Variants in XIRP2 observed in about 807,000 individuals in gnomAD.
XIRP2 encodes xin actin binding repeat containing 2, also known as xin actin-binding repeat-containing protein 2.
A neutral mutation model predicts 277.0 loss-of-function variants in XIRP2; 236 were observed. That is an observed-to-expected ratio of 0.85 (90% CI 0.77 to 0.95). XIRP2 has a LOEUF of 0.95. Ranked by LOEUF, XIRP2 falls within the 40% of genes least tolerant of loss-of-function variation. The probability of loss-of-function intolerance (pLI) is 0.00; values close to 1 mark genes in which losing one functional copy is unlikely to be tolerated. For missense variants in XIRP2, 4,640 were observed against 4,157.5 expected, an observed-to-expected ratio of 1.12 and a Z score of -3.19; for synonymous variants, 1,490 against 1,416.5, an observed-to-expected ratio of 1.05 and a Z score of -1.17.
At chr2:167,082,986 G>A (rs1689787521) in intron 2 of XIRP2, among the ~76,000 whole-genome samples, 1 of 152,170 alleles carries the variant, frequency 6.6e-6, no homozygotes, top group Non-Finnish European at 1.5e-5. Flanking sequence ...TGTTGCCATT[G>A]CTTTTGGTGT....
intron 2 of XIRP2, among the ~76,000 whole-genome samples, chr2:167,055,552 T>A (rs960545885): frequency 1.3e-5 from 2 of 152,190 alleles, no homozygotes; most frequent in Admixed American, 6.5e-5. Flanking sequence ...TTATCAGATG[T>A]GTAGGCCATT....
chr2:166,999,037 G>A (rs1369474918), intron 2 of XIRP2, among the ~76,000 whole-genome samples: 1 of 151,888 alleles, frequency 6.6e-6, no homozygotes, highest in Non-Finnish European at 1.5e-5. Flanking sequence ...ATTGTCTTTT[G>A]GCTTTTAGTG....
intron 2 of XIRP2, among the ~76,000 whole-genome samples, chr2:167,096,857 G>T (rs186330806): frequency 8.5e-5 from 13 of 152,228 alleles, no homozygotes; most frequent in Admixed American, 8.5e-4. Flanking sequence ...GTGTGGTTTT[G>T]AGTGAGTTTC....
intron 2 of XIRP2, among the ~76,000 whole-genome samples, chr2:167,027,862 T>C (rs181567038): frequency 2.6e-5 from 4 of 152,134 alleles, no homozygotes; most frequent in Non-Finnish European, 5.9e-5. Context: ...AGTACTCAAA[T>C]AATTGCAAGT....
intron 2 of XIRP2, among the ~76,000 whole-genome samples, chr2:167,114,076 A>G (rs959017767): frequency 3.9e-5 from 6 of 151,998 alleles, no homozygotes; most frequent in African/African-American, 9.7e-5. Context: ...TTTCATTTCA[A>G]TCTTGAAGAA....
chr2:167,091,759 C>G (rs2105275989), intron 2 of XIRP2, among the ~76,000 whole-genome samples: 1 of 152,150 alleles, frequency 6.6e-6, no homozygotes, highest in African/African-American at 2.4e-5. Context: ...ATAATGTTTT[C>G]TACTTCAAGA....
intron 3 of XIRP2, among the ~76,000 whole-genome samples, chr2:167,172,263 G>T (rs923261538): frequency 4.6e-5 from 7 of 152,080 alleles, no homozygotes; most frequent in African/African-American, 1.7e-4. Context: ...ATAGGGTGTG[G>T]GTCACAGAGA....
intron 2 of XIRP2, among the ~76,000 whole-genome samples, chr2:167,024,725 T>C (rs1688099900): frequency 6.6e-6 from 1 of 152,160 alleles, no homozygotes; most frequent in Non-Finnish European, 1.5e-5. Flanking sequence ...GTGGTTTTTG[T>C]CTTTGGTTCT....
chr2:167,009,352 A>T (rs996039900), intron 2 of XIRP2, among the ~76,000 whole-genome samples: 5 of 151,586 alleles, frequency 3.3e-5, no homozygotes, highest in Non-Finnish European at 5.9e-5. Context: ...GCTGAGAATG[A>T]TGCTTTCCAA....
chr2:166,932,931 A>G (rs192894724), intron 2 of XIRP2, among the ~76,000 whole-genome samples: 80 of 152,248 alleles, frequency 5.3e-4, no homozygotes, highest in African/African-American at 1.7e-3. Flanking sequence ...ATATCGCACT[A>G]TCTTCATTAT....
intron 2 of XIRP2, among the ~76,000 whole-genome samples, chr2:167,009,024 C>T (rs1380489853): frequency 6.6e-6 from 1 of 151,006 alleles, no homozygotes; most frequent in Non-Finnish European, 1.5e-5. Flanking sequence ...TTAGCCACTG[C>T]TGCAACTTCC....
intron 2 of XIRP2, among the ~76,000 whole-genome samples, chr2:167,070,069 A>G (rs536306209): frequency 7.4e-4 from 112 of 152,156 alleles, no homozygotes; most frequent in African/African-American, 2.6e-3. Context: ...CCCAGTCCCA[A>G]CTTGCTGAAT....
At chr2:167,106,696 A>C (rs1161530241) in intron 2 of XIRP2, among the ~76,000 whole-genome samples, 1 of 151,670 alleles carries the variant, frequency 6.6e-6, no homozygotes, top group Non-Finnish European at 1.5e-5. Context: ...TGAATTCTAT[A>C]AAAGTGTTGT....
intron 2 of XIRP2, among the ~76,000 whole-genome samples, chr2:167,130,231 A>T (rs962912754): frequency 1.3e-5 from 2 of 151,560 alleles, no homozygotes; most frequent in Non-Finnish European, 2.9e-5. Context: ...CTTTTTCTTT[A>T]AAAAAAACCC....
intron 4 of XIRP2, among the ~76,000 whole-genome samples, chr2:167,212,307 G>T (rs1477733885): frequency 6.6e-6 from 1 of 152,146 alleles, no homozygotes; most frequent in Non-Finnish European, 1.5e-5. Context: ...GATTCACGAG[G>T]AAACAGTTGA....
intron 2 of XIRP2, among the ~76,000 whole-genome samples, chr2:167,099,901 G>A (rs759080710): frequency 4.6e-5 from 7 of 152,004 alleles, no homozygotes; most frequent in Non-Finnish European, 7.4e-5. Flanking sequence ...GAGATCACCC[G>A]CCTTCTGCAT....
intron 2 of XIRP2, among the ~76,000 whole-genome samples, chr2:167,070,340 A>G (rs1049597767): frequency 7.9e-5 from 12 of 151,928 alleles, no homozygotes; most frequent in Non-Finnish European, 1.5e-5. Flanking sequence ...CTCTCTTTCT[A>G]TGACTTCCTA....
At chr2:167,234,599 T>TA (rs915628069) in intron 5 of XIRP2, among the ~76,000 whole-genome samples, 1 of 151,670 alleles carries the variant, frequency 6.6e-6, no homozygotes, top group Non-Finnish European at 1.5e-5. Flanking sequence ...GTCACTACAT[T>TA]AAAATGTTTT....
In XIRP2 at chr2:167,146,567, A is replaced by C. The variant is rs142314095; in HGVS notation, c.562+10505A>C. Among the ~76,000 whole-genome samples the C allele has an allele frequency of 4.9e-3, 751 of 152,222 alleles. 2 individuals are homozygous for C. Among genetic ancestry groups the C allele is most frequent in the Non-Finnish European group, 8.0e-3 (543 of 68,006 alleles). On this transcript the variant is annotated intron_variant, in intron 3 of 10. Coordinates refer to ENST00000409195, the MANE Select transcript of XIRP2 (RefSeq NM_152381.6). ...GAATAGAATATAAAGCAGAGTAATA[A>C]ATTTATGCAAATATGAAAGAAAGAT...
Sources: gnomAD v4.1 joint callset for allele counts (sites outside exome capture counted in the v4.1 genomes callset) on GRCh38, gnomAD v4.1.1 for gene constraint, MANE v1.5 for transcripts, NCBI Gene and HGNC (gene_info 2026-07-23, HGNC 2026-07-21) for gene names.